The following NHS variants were observed in gnomAD, a reference collection of about 807,000 sequenced individuals.
NHS encodes the protein actin remodeling regulator NHS.
NHS carries 5 observed loss-of-function variants against 72.5 expected under a neutral mutation model. That is an observed-to-expected ratio of 0.07 (90% CI 0.04 to 0.14). The LOEUF is 0.14. NHS is among the 10% of genes least tolerant of loss of function. The pLI is 1.00. For missense variants in NHS, 1,072 were observed against 1,355.7 expected (o/e 0.79, Z 3.29); for synonymous variants, 464 against 547.7 (o/e 0.85, Z 2.13).
rs772748630 is a variant in NHS at position 17,718,947 on chromosome X, AGAAGGAGGGAAG to A, written c.853-380_853-369del. ...AAAGGAAGGAAAGAGGAAGGAAGGA[AGAAGGAGGGAAG>A]GAAGGAGGGAAGGAAGAAAGGATGG... On this transcript the variant is annotated intron_variant, in intron 3 of 8. Transcript: ENST00000676302. Among the ~76,000 whole-genome samples, 68 of 92,158 alleles carry A rather than the reference AGAAGGAGGGAAG, an allele frequency of 7.4e-4. 1 individual carries two copies. The highest frequency in any genetic ancestry group is 2.0e-3 in the African/African-American group (51 of 24,932). 80.0% of individuals were successfully genotyped at this position (92,158 alleles called of 115,157 possible). A position where few individuals can be genotyped will look rare whatever the true frequency, so the allele number is the denominator to read the frequency against.
intron 1 of NHS, among the ~76,000 whole-genome samples, chrX:17,585,358 A>G (rs2065569344): frequency 8.9e-6 from 1 of 112,110 alleles, no homozygotes; most frequent in Non-Finnish European, 1.9e-5. Flanking sequence ...TGTTGTGAGT[A>G]GTATGTGCTT....
intron 1 of NHS, among the ~76,000 whole-genome samples, chrX:17,386,663 C>CAAAAAAAAA (rs1184465152): frequency 2.6e-5 from 1 of 38,433 alleles, no homozygotes; most frequent in African/African-American, 9.0e-5. Context: ...AACTCTGTCT[C>CAAAAAAAAA]AAAAAAAAAA....
chrX:17,494,557 G>A (rs987788912), intron 1 of NHS, among the ~76,000 whole-genome samples: 3 of 112,222 alleles, frequency 2.7e-5, no homozygotes, highest in South Asian at 3.7e-4. Context: ...AGTGTGAAGT[G>A]TGAGGCTCAC....
intron 1 of NHS, among the ~76,000 whole-genome samples, chrX:17,427,922 C>T (rs139994567): frequency 0.012 from 1,333 of 112,074 alleles, 22 homozygotes; most frequent in African/African-American, 0.041. Flanking sequence ...GTCTGATGCA[C>T]GGGTCAGCAA....
At chrX:17,412,299 T>C (rs2064563611) in intron 1 of NHS, among the ~76,000 whole-genome samples, 1 of 110,811 alleles carries the variant, frequency 9.0e-6, no homozygotes, top group Admixed American at 9.6e-5. Flanking sequence ...GAAATTGAGA[T>C]TGAAAACAAG....
intron 1 of NHS, among the ~76,000 whole-genome samples, chrX:17,606,562 T>C (rs762599875): frequency 8.9e-6 from 1 of 112,335 alleles, no homozygotes; most frequent in Admixed American, 9.4e-5. Flanking sequence ...TGTTGATTTA[T>C]TGTGTTTGAT....
At chrX:17,487,731 G>A (rs777880779) in intron 1 of NHS, among the ~76,000 whole-genome samples, 23 of 111,715 alleles carry the variant, frequency 2.1e-4, no homozygotes, top group African/African-American at 7.5e-4. Context: ...GTGTACCCAA[G>A]CCACAAGGCT....
At chrX:17,645,135 A>C (rs1302526004) in intron 1 of NHS, among the ~76,000 whole-genome samples, 2 of 112,099 alleles carry the variant, frequency 1.8e-5, no homozygotes, top group Non-Finnish European at 3.8e-5. Context: ...GTCTCCATCA[A>C]TCTACTACTC....
intron 1 of NHS, among the ~76,000 whole-genome samples, chrX:17,530,883 G>C (rs1234366465): frequency 3.6e-5 from 4 of 110,941 alleles, no homozygotes; most frequent in Non-Finnish European, 7.6e-5. Context: ...GGCTGGTCTT[G>C]AACTGCTGGC....
Position 17,589,677 on chromosome X carries a change from T to C in NHS, c.566-98065T>C, listed in dbSNP as rs149887591. Among the ~76,000 whole-genome samples, 324 of 111,410 alleles carry C rather than the reference T, an allele frequency of 2.9e-3. 6 individuals are homozygous for C. Among genetic ancestry groups the C allele is most frequent in the East Asian group, 0.027 (97 of 3,538 alleles). On this transcript the variant is annotated intron_variant, in intron 1 of 8. Coordinates refer to ENST00000676302, the MANE Select transcript of NHS (RefSeq NM_001291867.2). Reference sequence around the variant, plus strand: ...TGAGTATCTTTTTCATATGACTTATTTTCTTCTGGGTACATACCCAGTAGT... The same window carrying C: ...TGAGTATCTTTTTCATATGACTTATCTTCTTCTGGGTACATACCCAGTAGT...
At chrX:17,424,151 A>G (rs1256484804) in intron 1 of NHS, among the ~76,000 whole-genome samples, 5 of 112,320 alleles carry the variant, frequency 4.5e-5, no homozygotes, top group Non-Finnish European at 9.4e-5. Flanking sequence ...GCTCTGAAGG[A>G]GAAGGATTCC....
At chrX:17,426,352 T>C (rs768501399) in intron 1 of NHS, among the ~76,000 whole-genome samples, 5 of 111,620 alleles carry the variant, frequency 4.5e-5, no homozygotes, top group Non-Finnish European at 7.5e-5. Flanking sequence ...TCTGATCTCA[T>C]TGTGTGTACC....
At chrX:17,491,057 C>A (rs190465585) in intron 1 of NHS, among the ~76,000 whole-genome samples, 131 of 112,004 alleles carry the variant, frequency 1.2e-3, no homozygotes, top group Non-Finnish European at 2.0e-3. Flanking sequence ...AATATACAAT[C>A]ATGTCATCTG....
At position 17,726,225 on chromosome X, in the gene NHS, G is replaced by T. The variant is rs184275083; in HGVS notation, c.2119G>T (p.Ala707Ser). 9.0e-5 allele frequency: 109 copies of T among 1,210,397 alleles called. No individual in the cohort carries two copies. In the East Asian group the frequency reaches 2.6e-3, roughly 29 times the overall value. The change falls in exon 7 of 9, where the codon GCA (alanine) becomes TCA (serine). Residue 707 changes from alanine to serine, a missense_variant. Ala to Ser is a moderately conservative substitution (Grantham distance 99). Transcript: ENST00000676302. ...GGCAAACTCCTTTACCTCCACTGTT[G>T]CAGACCTGCTGGATGATCCCAACAA... ...HRANSFTSTV[A>S]DLLDDPNNSN...
chrX:17,567,948 C>G (rs2065453877), intron 1 of NHS, among the ~76,000 whole-genome samples: 1 of 111,498 alleles, frequency 9.0e-6, no homozygotes, highest in Non-Finnish European at 1.9e-5. Context: ...TTTTCCCTCC[C>G]CAATTTCACT....
At chrX:17,568,819 C>T (rs1480668738) in intron 1 of NHS, among the ~76,000 whole-genome samples, 2 of 108,889 alleles carry the variant, frequency 1.8e-5, no homozygotes, top group Non-Finnish European at 3.8e-5. Context: ...CTCCCCTAGC[C>T]CCCCACCCCA....
At chrX:17,469,265 C>T (rs2064882328) in intron 1 of NHS, among the ~76,000 whole-genome samples, 1 of 112,351 alleles carries the variant, frequency 8.9e-6, no homozygotes, top group Non-Finnish European at 1.9e-5. Context: ...ACTAGCAGTG[C>T]TTCTGTGAAC....
At chrX:17,683,207 C>A (rs1305241970) in intron 1 of NHS, among the ~76,000 whole-genome samples, 1 of 112,121 alleles carries the variant, frequency 8.9e-6, no homozygotes, top group Non-Finnish European at 1.9e-5. Context: ...TTGTGGTTAT[C>A]TGTTTGTGGT....
At chrX:17,698,872 C>T (rs934164209) in intron 3 of NHS, among the ~76,000 whole-genome samples, 2 of 110,813 alleles carry the variant, frequency 1.8e-5, no homozygotes, top group Non-Finnish European at 3.8e-5. Context: ...CTGGCTAAGC[C>T]TTAAACAAAA....
Sources: allele counts gnomAD v4.1 joint callset (sites outside exome capture counted in the v4.1 genomes callset), GRCh38; gene constraint gnomAD v4.1.1; transcripts MANE v1.5; gene names NCBI Gene and HGNC (gene_info 2026-07-23, HGNC 2026-07-21).